The following WIPF3 variants were observed in gnomAD, a reference collection of about 807,000 sequenced individuals.
WIPF3 encodes WAS/WASL-interacting protein family member 3.
In WIPF3, 33 loss-of-function variants were observed where a neutral mutation model predicts 38.9. The observed-to-expected ratio is 0.85, with a 90% CI of 0.64 to 1.14. The LOEUF (loss-of-function observed/expected upper bound fraction) is 1.14. WIPF3 is among the 50% of genes most tolerant of loss of function. The probability of loss-of-function intolerance (pLI) is 0.00; values close to 1 mark genes in which losing one functional copy is unlikely to be tolerated. For synonymous variants in WIPF3, 324 were observed against 269.3 expected, an observed-to-expected ratio of 1.20 and a Z score of -1.99; for missense variants, 711 against 652.5, an observed-to-expected ratio of 1.09 and a Z score of -0.98.
chr7:29,866,714 T>G (rs1208124898), intron 2 of WIPF3, among the ~76,000 whole-genome samples: 1 of 152,242 alleles, frequency 6.6e-6, no homozygotes, highest in East Asian at 1.9e-4. Flanking sequence ...CTCCACTCAC[T>G]GTCTGTTTCT....
At chr7:29,853,871 T>C (rs1030032616) in intron 2 of WIPF3, among the ~76,000 whole-genome samples, 11 of 152,354 alleles carry the variant, frequency 7.2e-5, no homozygotes, top group Admixed American at 2.0e-4. Context: ...ATAGCGATGC[T>C]CTTTTTCCTT....
intron 5 of WIPF3, among the ~76,000 whole-genome samples, chr7:29,887,741 T>C (rs984012329): frequency 1.3e-5 from 2 of 152,200 alleles, no homozygotes; most frequent in African/African-American, 4.8e-5. Flanking sequence ...ATTAATATTA[T>C]TGCAGCAGCT....
chr7:29,899,854 G>A (rs1786237947), intron 7 of WIPF3, among the ~76,000 whole-genome samples: 1 of 152,084 alleles, frequency 6.6e-6, no homozygotes, highest in South Asian at 2.1e-4. Context: ...CTGCAGAAAA[G>A]GAGAAGTTGA....
chr7:29,888,510 C>CGTGTGCGTGTGT (rs1785936364), intron 6 of WIPF3, among the ~76,000 whole-genome samples: 2 of 147,810 alleles, frequency 1.4e-5, no homozygotes, highest in South Asian at 2.2e-4. Flanking sequence ...CGTGTGTGTG[C>CGTGTGCGTGTGT]GTGTGTGTGT....
intron 3 of WIPF3, among the ~76,000 whole-genome samples, chr7:29,877,512 T>G (rs1785624906): frequency 6.6e-6 from 1 of 152,236 alleles, no homozygotes; most frequent in Non-Finnish European, 1.5e-5. Flanking sequence ...ATTATTTTTT[T>G]GCTGTGTTAA....
intron 4 of WIPF3, among the ~76,000 whole-genome samples, chr7:29,883,173 G>A (rs1158220228): frequency 6.6e-6 from 1 of 152,220 alleles, no homozygotes; most frequent in African/African-American, 2.4e-5. Context: ...CAGATGCAAT[G>A]AAGGATCTAT....
chr7:29,849,843 G>A (rs144170860), intron 2 of WIPF3, among the ~76,000 whole-genome samples: 1 of 152,324 alleles, frequency 6.6e-6, no homozygotes, highest in Admixed American at 6.5e-5. Context: ...ATAGGTCAGT[G>A]TATGTTCTAG....
intron 3 of WIPF3, among the ~76,000 whole-genome samples, chr7:29,877,808 TA>T (rs1785635022): frequency 6.6e-6 from 1 of 152,236 alleles, no homozygotes; most frequent in African/African-American, 2.4e-5. Flanking sequence ...ATTTCATGTT[TA>T]GACTTGGGTC....
At chr7:29,913,069 G>A (rs1786533551) in intron 8 of WIPF3, among the ~76,000 whole-genome samples, 1 of 151,410 alleles carries the variant, frequency 6.6e-6, no homozygotes, top group East Asian at 1.9e-4. Context: ...CTAGTCAGCT[G>A]GGTGTGGTGG....
chr7:29,811,165 A>G (rs192913678), intron 1 of WIPF3, among the ~76,000 whole-genome samples: 1 of 152,242 alleles, frequency 6.6e-6, no homozygotes, highest in East Asian at 1.9e-4. Flanking sequence ...TGCTGGGATT[A>G]CAGACATGAT....
At chr7:29,858,964 C>T (rs1053316996) in intron 2 of WIPF3, among the ~76,000 whole-genome samples, 8 of 152,180 alleles carry the variant, frequency 5.3e-5, no homozygotes, top group Non-Finnish European at 7.3e-5. Flanking sequence ...ATGTATAAGA[C>T]ACTATGCTCA....
intron 1 of WIPF3, among the ~76,000 whole-genome samples, chr7:29,810,921 C>A (rs1002630678): frequency 1.3e-5 from 2 of 152,068 alleles, no homozygotes; most frequent in African/African-American, 4.8e-5. Context: ...TAGGGTCTTG[C>A]TCTGTTGCCC....
Position 29,851,014 on chromosome 7 carries a change from A to G in WIPF3, c.90+16200A>G, listed in dbSNP as rs575742891. ...AGATCCTGGAACATACTAAGTGTTC[A>G]GTTATATCAGTGGCAGTCCCCTCTC... On this transcript the variant is annotated intron_variant, in intron 2 of 8. Transcript: ENST00000242140. Among the ~76,000 whole-genome samples, 12 of 152,350 alleles carry G rather than the reference A, an allele frequency of 7.9e-5. No homozygotes were observed. In the South Asian group the frequency reaches 2.5e-3, roughly 32 times the overall value.
At chr7:29,855,222 C>T (rs954190997) in intron 2 of WIPF3, among the ~76,000 whole-genome samples, 1 of 152,166 alleles carries the variant, frequency 6.6e-6, no homozygotes, top group Non-Finnish European at 1.5e-5. Flanking sequence ...ATCTTCACCC[C>T]GTGCTCATAC....
At chr7:29,900,844 C>T (rs997096024) in intron 7 of WIPF3, among the ~76,000 whole-genome samples, 2 of 152,228 alleles carry the variant, frequency 1.3e-5, no homozygotes, top group Admixed American at 6.5e-5. Flanking sequence ...GCACTCCTTG[C>T]ACCACATTGC....
chr7:29,836,604 A>G (rs576488637), intron 2 of WIPF3, among the ~76,000 whole-genome samples: 8 of 152,382 alleles, frequency 5.2e-5, no homozygotes, highest in African/African-American at 1.7e-4. Context: ...TTCTAGCGAA[A>G]AAATAGATCT....
chr7:29,911,250 T>A (rs778430849), intron 8 of WIPF3, among the ~76,000 whole-genome samples: 2 of 151,998 alleles, frequency 1.3e-5, no homozygotes, highest in Non-Finnish European at 2.9e-5. Context: ...ATGGCTGAAA[T>A]AAATTAAATA....
At position 29,851,855 on chromosome 7, in the gene WIPF3, T is replaced by C. The variant is rs774519109; in HGVS notation, c.90+17041T>C. On this transcript the variant is annotated intron_variant, in intron 2 of 8. Coordinates refer to ENST00000242140, the MANE Select transcript of WIPF3 (RefSeq NM_001080529.3). Reference sequence around the variant, plus strand: ...AGGCCCCACAGTGGGGACAGTCCTATAGGGAGAGGTTTGAGCGTGCTATTG... The same window carrying C: ...AGGCCCCACAGTGGGGACAGTCCTACAGGGAGAGGTTTGAGCGTGCTATTG... Among the ~76,000 whole-genome samples, 22 of 152,342 alleles carry C rather than the reference T, an allele frequency of 1.4e-4. 1 individual carries two copies. Among genetic ancestry groups the C allele is most frequent in the Non-Finnish European group, 2.9e-4 (20 of 68,024 alleles).
intron 2 of WIPF3, among the ~76,000 whole-genome samples, chr7:29,843,453 C>G (rs577325102): frequency 6.6e-6 from 1 of 152,134 alleles, no homozygotes; most frequent in African/African-American, 2.4e-5. Flanking sequence ...GAGCATAAGC[C>G]GCTCGCAGGC....
Sources: allele counts gnomAD v4.1 joint callset (sites outside exome capture counted in the v4.1 genomes callset), GRCh38; gene constraint gnomAD v4.1.1; transcripts MANE v1.5; gene names NCBI Gene and HGNC (gene_info 2026-07-23, HGNC 2026-07-21).